Variants in CACNA2D3 observed in about 807,000 individuals in gnomAD.
The protein encoded by CACNA2D3 is calcium voltage-gated channel auxiliary subunit alpha2delta 3, also known as voltage-dependent calcium channel subunit alpha-2/delta-3.
Under a neutral mutation model 160.6 loss-of-function variants are expected in CACNA2D3, and 60 were observed. The ratio of observed to expected loss-of-function variants is 0.37; its 90% confidence interval spans 0.30 to 0.46. The LOEUF (loss-of-function observed/expected upper bound fraction) is 0.46. Ranked by LOEUF, CACNA2D3 falls within the 20% of genes least tolerant of loss-of-function variation. The probability of loss-of-function intolerance (pLI) is 1.00; values close to 1 mark genes in which losing one functional copy is unlikely to be tolerated. For synonymous variants in CACNA2D3, 558 were observed against 492.9 expected (o/e 1.13, Z -1.75); for missense variants, 1,205 against 1,365.0 (o/e 0.88, Z 1.85).
chr3:54,439,837 G>A (rs1868499), intron 4 of CACNA2D3, among the ~76,000 whole-genome samples: 20,960 of 152,058 alleles, frequency 0.14, 1,823 homozygotes, highest in African/African-American at 0.24. Context: ...CTTCCATCCC[G>A]TCTGCCCTCT....
intron 9 of CACNA2D3, among the ~76,000 whole-genome samples, chr3:54,582,595 T>C (rs1367281559): frequency 6.6e-6 from 1 of 152,210 alleles, no homozygotes; most frequent in Non-Finnish European, 1.5e-5. Flanking sequence ...TAGCTGTGGC[T>C]GCAGCCATGT....
At chr3:54,586,163 C>G (rs1702756674) in intron 9 of CACNA2D3, among the ~76,000 whole-genome samples, 1 of 149,842 alleles carries the variant, frequency 6.7e-6, no homozygotes, top group Non-Finnish European at 1.5e-5. Flanking sequence ...ACTTGGGAGG[C>G]TGAGGCAGGA....
intron 5 of CACNA2D3, among the ~76,000 whole-genome samples, chr3:54,541,290 A>AG (rs1419708514): frequency 4.0e-5 from 6 of 150,448 alleles, no homozygotes; most frequent in East Asian, 3.9e-4. Context: ...AAAAAAAAAA[A>AG]AAAAAAAAAA....
At chr3:55,039,853 A>G (rs1703919959) in intron 35 of CACNA2D3, among the ~76,000 whole-genome samples, 1 of 152,240 alleles carries the variant, frequency 6.6e-6, no homozygotes. Context: ...AGAAAGAGAC[A>G]ATAAATCAAG....
chr3:54,686,375 A>T (rs1287175817), intron 11 of CACNA2D3, among the ~76,000 whole-genome samples: 2 of 152,238 alleles, frequency 1.3e-5, no homozygotes, highest in African/African-American at 4.8e-5. Flanking sequence ...ATTAAACTGC[A>T]GATGGTTCAG....
At chr3:55,037,076 T>C (rs946972674) in intron 35 of CACNA2D3, among the ~76,000 whole-genome samples, 2 of 152,160 alleles carry the variant, frequency 1.3e-5, no homozygotes, top group Non-Finnish European at 2.9e-5. Context: ...TATAACACAA[T>C]AGGACATGAC....
chr3:54,321,488 C>G (rs533691001), intron 3 of CACNA2D3, among the ~76,000 whole-genome samples: 1 of 152,242 alleles, frequency 6.6e-6, no homozygotes, highest in Admixed American at 6.5e-5. Context: ...AGTGAATCTT[C>G]TTATATATTT....
chr3:54,508,651 A>C (rs2106956272), intron 5 of CACNA2D3, among the ~76,000 whole-genome samples: 1 of 152,358 alleles, frequency 6.6e-6, no homozygotes, highest in South Asian at 2.1e-4. Flanking sequence ...TTCCCCCAGT[A>C]ACGGAGGACA....
chr3:54,526,599 G>A (rs1374429615), intron 5 of CACNA2D3, among the ~76,000 whole-genome samples: 1 of 152,078 alleles, frequency 6.6e-6, no homozygotes, highest in Non-Finnish European at 1.5e-5. Flanking sequence ...CTTTTCAGAG[G>A]GTAATGCCTT....
At position 55,029,689 on chromosome 3, in the gene CACNA2D3, A is replaced by C. The variant is rs115926977; in HGVS notation, c.2987+11372A>C. Among the ~76,000 whole-genome samples, 1,210 of 152,326 alleles carry C rather than the reference A, an allele frequency of 7.9e-3. 17 individuals are homozygous for C. The highest frequency in any genetic ancestry group is 0.028 in the African/African-American group (1,163 of 41,566). ...AATTTGGAATTCTGGATCTGGGAAT[A>C]CACATACTCAACAGTGACCAGATCC... On this transcript the variant is annotated intron_variant, in intron 35 of 37. Transcript: ENST00000474759.
At chr3:54,586,277 A>G (rs1018468342) in intron 9 of CACNA2D3, among the ~76,000 whole-genome samples, 17 of 151,794 alleles carry the variant, frequency 1.1e-4, no homozygotes, top group Non-Finnish European at 2.1e-4. Flanking sequence ...AAAAAAAAAA[A>G]AAAGAAACTC....
At chr3:54,342,358 A>C (rs1185516593) in intron 3 of CACNA2D3, among the ~76,000 whole-genome samples, 1 of 152,220 alleles carries the variant, frequency 6.6e-6, no homozygotes, top group South Asian at 2.1e-4. Context: ...AATCTACACA[A>C]AAAGCAGTCC....
chr3:54,706,944 C>T (rs1184408621), intron 11 of CACNA2D3, among the ~76,000 whole-genome samples: 1 of 152,202 alleles, frequency 6.6e-6, no homozygotes, highest in East Asian at 1.9e-4. Flanking sequence ...CTTCTCCATT[C>T]CTGGTCACAT....
At chr3:54,809,962 C>A (rs1007144690) in intron 13 of CACNA2D3, among the ~76,000 whole-genome samples, 2 of 152,102 alleles carry the variant, frequency 1.3e-5, no homozygotes, top group Admixed American at 1.3e-4. Context: ...CACAGTGCAA[C>A]AAATGCTAAG....
intron 4 of CACNA2D3, among the ~76,000 whole-genome samples, 194 bp from the exon 5 acceptor site, chr3:54,503,298 T>C (rs1335510840): frequency 1.3e-5 from 2 of 152,166 alleles, no homozygotes; most frequent in Non-Finnish European, 2.9e-5. Context: ...TTTAGTGACA[T>C]TGGAAACTAT....
chr3:54,889,073 TTGAGA>T (rs1699996498), intron 24 of CACNA2D3, among the ~76,000 whole-genome samples: 1 of 152,136 alleles, frequency 6.6e-6, no homozygotes, highest in Non-Finnish European at 1.5e-5. Flanking sequence ...TACAAAGGCC[TTGAGA>T]TGAGAAAGCA....
At position 54,427,051 on chromosome 3, in the gene CACNA2D3, CCTTT is replaced by C. The variant is rs199709145; in HGVS notation, c.381+40282_381+40285del. On this transcript the variant is annotated intron_variant, in intron 4 of 37. Transcript: ENST00000474759. Reference sequence around the variant, plus strand: ...CTCTCTCTTCTACCCACCATTCTTTCCTTTCTTTATGTTCTGCGTACCCTTTCTG... The same window carrying C: ...CTCTCTCTTCTACCCACCATTCTTTCCTTTATGTTCTGCGTACCCTTTCTG... Among the ~76,000 whole-genome samples, 16 of 152,068 alleles carry C rather than the reference CCTTT, an allele frequency of 1.1e-4. No homozygotes were observed. In the East Asian group the frequency reaches 3.1e-3, roughly 29 times the overall value.
intron 20 of CACNA2D3, among the ~76,000 whole-genome samples, chr3:54,880,198 A>G (rs1241946208): frequency 6.6e-6 from 1 of 152,222 alleles, no homozygotes; most frequent in African/African-American, 2.4e-5. Context: ...TTTGCCAAAT[A>G]GTCTCTCTAA....
Position 54,636,578 on chromosome 3 carries a change from C to G in CACNA2D3, c.1054-5550C>G, listed in dbSNP as rs563087961. Among the ~76,000 whole-genome samples, 17 of 152,098 alleles carry G rather than the reference C, an allele frequency of 1.1e-4. No homozygotes were observed. In the East Asian group the frequency reaches 3.3e-3, roughly 29 times the overall value. ...TTAAAGCAGCGGCAGCCTCTGCACG[C>G]AGACATGAGGGCTAGGCTAAAACAG... On this transcript the variant is annotated intron_variant, in intron 10 of 37. Coordinates refer to ENST00000474759, the MANE Select transcript of CACNA2D3 (RefSeq NM_018398.3).
Sources: allele counts gnomAD v4.1 joint callset (sites outside exome capture counted in the v4.1 genomes callset), GRCh38; gene constraint gnomAD v4.1.1; transcripts MANE v1.5; gene names NCBI Gene and HGNC (gene_info 2026-07-23, HGNC 2026-07-21).